SETD2: variants seen among roughly 807,000 people sequenced by gnomAD.
The protein encoded by SETD2 is SET domain containing 2, histone lysine methyltransferase.
SETD2 carries 31 observed loss-of-function variants against 242.1 expected under a neutral mutation model. The observed-to-expected ratio is 0.13, with a 90% CI of 0.10 to 0.17. The LOEUF is 0.17. SETD2 is among the 10% of genes least tolerant of loss of function. The pLI, the probability that SETD2 is intolerant of heterozygous loss-of-function variation, is 1.00. For missense variants in SETD2, 2,481 were observed against 3,046.3 expected (o/e 0.81, Z 4.37); for synonymous variants, 1,006 against 1,066.5 (o/e 0.94, Z 1.11).
At chr3:47,057,639 A>C in intron 14 of SETD2, 149 bp from the exon 15 acceptor site, 1 of 620,636 alleles carries the variant, frequency 1.6e-6, no homozygotes, top group East Asian at 2.7e-5. Context: ...AAAATTACTC[A>C]GCTTGTCTTG....
intron 5 of SETD2, among the ~76,000 whole-genome samples, chr3:47,107,734 G>A (rs868114730): frequency 1.0e-4 from 10 of 95,514 alleles, no homozygotes; most frequent in East Asian, 9.0e-4. Flanking sequence ...GGGGGGTGGG[G>A]GGGGGGTGGC....
intron 1 of SETD2, among the ~76,000 whole-genome samples, chr3:47,150,232 G>C (rs1295425845): frequency 6.6e-6 from 1 of 151,674 alleles, no homozygotes; most frequent in Non-Finnish European, 1.5e-5. Context: ...TAGAGATGGG[G>C]TTTCACCACG....
chr3:47,128,874 T>C (rs1431011999), intron 1 of SETD2, among the ~76,000 whole-genome samples: 1 of 152,180 alleles, frequency 6.6e-6, no homozygotes, highest in Non-Finnish European at 1.5e-5. Context: ...TTGATTTAAA[T>C]TAGTACCATT....
intron 14 of SETD2, among the ~76,000 whole-genome samples, chr3:47,059,427 GTTT>G (rs961316542): frequency 7.1e-6 from 1 of 140,188 alleles, no homozygotes; most frequent in Admixed American, 7.2e-5. Flanking sequence ...CAAATTTTTT[GTTT>G]TTTTTTTGAG....
intron 15 of SETD2, among the ~76,000 whole-genome samples, chr3:47,049,914 TTA>T (rs1559664925): frequency 3.8e-4 from 7 of 18,508 alleles, no homozygotes; most frequent in African/African-American, 1.2e-3. Flanking sequence ...TATTCTGAAT[TTA>T]TATATTATAT....
intron 1 of SETD2, among the ~76,000 whole-genome samples, chr3:47,134,050 T>C (rs1206635413): frequency 3.3e-5 from 5 of 152,236 alleles, no homozygotes. Flanking sequence ...TGTTGTCCCC[T>C]GCCCAAAGCA....
intron 5 of SETD2, among the ~76,000 whole-genome samples, chr3:47,110,914 T>C (rs964221966): frequency 6.6e-6 from 1 of 151,738 alleles, no homozygotes; most frequent in Non-Finnish European, 1.5e-5. Context: ...CCCCTTAATA[T>C]GAGAAGAGCA....
At chr3:47,161,656 C>T (rs1179833327) in intron 1 of SETD2, among the ~76,000 whole-genome samples, 4 of 152,164 alleles carry the variant, frequency 2.6e-5, no homozygotes, top group Admixed American at 6.5e-5. Context: ...CAAGAAGAGG[C>T]CTGGCACAAT....
chr3:47,047,204 C>T (rs535591391), intron 15 of SETD2, among the ~76,000 whole-genome samples: 1 of 152,316 alleles, frequency 6.6e-6, no homozygotes, highest in Admixed American at 6.5e-5. Context: ...TCTCACAACA[C>T]ACCAATTTAT....
At chr3:47,034,918 T>G (rs913938672) in intron 18 of SETD2, among the ~76,000 whole-genome samples, 1 of 152,148 alleles carries the variant, frequency 6.6e-6, no homozygotes, top group African/African-American at 2.4e-5. Context: ...TTAAAATGTG[T>G]ATTTAGAGAT....
intron 9 of SETD2, 22 bp from the exon 10 acceptor site, chr3:47,088,269 CCT>C: frequency 3.2e-6 from 5 of 1,573,468 alleles, no homozygotes; most frequent in Non-Finnish European, 4.3e-6. Context: ...AATAAAAATA[CCT>C]TTTTATAAAA....
chr3:47,076,152 G>C (rs1249528114), intron 12 of SETD2, among the ~76,000 whole-genome samples: 1 of 152,098 alleles, frequency 6.6e-6, no homozygotes, highest in Non-Finnish European at 1.5e-5. Flanking sequence ...TGGAGAAACA[G>C]GAAAGACTTT....
intron 1 of SETD2, among the ~76,000 whole-genome samples, chr3:47,141,789 T>C (rs1415782573): frequency 6.6e-6 from 1 of 152,202 alleles, no homozygotes; most frequent in Non-Finnish European, 1.5e-5. Context: ...AACAATTCAG[T>C]ACTCTTACGG....
In SETD2 at chr3:47,056,869, G is replaced by T; in HGVS notation, c.6915C>A (p.Val2305=). Reference sequence around the variant, plus strand: ...GTGAATAAGGTGATGTCACACCATAGACTGTTGGACATGTCTGTCCTTGAT... The same window carrying T: ...GTGAATAAGGTGATGTCACACCATATACTGTTGGACATGTCTGTCCTTGAT... ...IYYQGQTCPT[V]YGVTSPYSQT... is the part of the protein sequence containing the mutation. The change falls in exon 15 of 21, where the codon GTC becomes GTA. Residue 2305 remains valine (V), a synonymous_variant. Transcript: ENST00000409792. 1 of 1,614,170 alleles carries T rather than the reference G, an allele frequency of 6.2e-7. No individual in the cohort carries two copies. Among genetic ancestry groups the T allele is most frequent in the African/African-American group, 1.3e-5 (1 of 75,070 alleles).
intron 6 of SETD2, among the ~76,000 whole-genome samples, chr3:47,104,878 C>T (rs1210890178): frequency 1.3e-5 from 2 of 152,128 alleles, no homozygotes; most frequent in South Asian, 2.1e-4. Flanking sequence ...TTTTAGCCTT[C>T]GGTCTGAGCC....
At chr3:47,027,564 T>TA (rs1559642839) in intron 18 of SETD2, among the ~76,000 whole-genome samples, 1 of 151,332 alleles carries the variant, frequency 6.6e-6, no homozygotes, top group Non-Finnish European at 1.5e-5. Flanking sequence ...AGTATAATAA[T>TA]AATAAAATTT....
chr3:47,088,326 A>T, intron 9 of SETD2, 79 bp from the exon 10 acceptor site: 2 of 1,432,136 alleles, frequency 1.4e-6, no homozygotes, highest in Non-Finnish European at 1.9e-6. Flanking sequence ...AAGTTGCTCA[A>T]CCTTATCAAT....
Position 47,042,541 on chromosome 3 carries a change from G to C in SETD2, c.7238+20C>G, listed in dbSNP as rs575654125. 1 of 1,613,004 alleles carries C rather than the reference G, an allele frequency of 6.2e-7. No individual in the cohort carries two copies. The highest frequency in any genetic ancestry group is 8.5e-7 in the Non-Finnish European group (1 of 1,179,136). ...ATTAAGTAAAAGCAGACATGGGAAC[G>C]CCCATACAGCTCCTCTTACCTTGTG... On this transcript the variant is annotated intron_variant, in intron 17 of 20. Transcript: ENST00000409792.
At chr3:47,087,293 T>C (rs1329252892) in intron 10 of SETD2, among the ~76,000 whole-genome samples, 1 of 151,952 alleles carries the variant, frequency 6.6e-6, no homozygotes, top group Non-Finnish European at 1.5e-5. Flanking sequence ...CCAACCTTTC[T>C]GGCACCAGGA....
Sources: allele counts gnomAD v4.1 joint callset (sites outside exome capture counted in the v4.1 genomes callset), GRCh38; gene constraint gnomAD v4.1.1; transcripts MANE v1.5; gene names NCBI Gene and HGNC (gene_info 2026-07-23, HGNC 2026-07-21).